GPR89B: variants seen among roughly 807,000 people sequenced by gnomAD.
The protein encoded by GPR89B is golgi pH regulator B.
Under a neutral mutation model 52.4 loss-of-function variants are expected in GPR89B, and 25 were observed. That is an observed-to-expected ratio of 0.48 (90% CI 0.35 to 0.67). GPR89B has a LOEUF of 0.67. Ranked by LOEUF, GPR89B falls within the 30% of genes least tolerant of loss-of-function variation. The pLI is 0.01. For missense variants in GPR89B, 146 were observed against 450.2 expected (o/e 0.32, Z 6.11); for synonymous variants, 52 against 151.2 (o/e 0.34, Z 4.81).
intron 5 of GPR89B, among the ~76,000 whole-genome samples, chr1:147,952,299 G>T (rs1471685501): frequency 6.6e-6 from 1 of 151,928 alleles, no homozygotes; most frequent in East Asian, 1.9e-4. Context: ...CTGATCCAGA[G>T]TTGGGAATTT....
At chr1:147,935,932 G>A (rs1240178196) in intron 1 of GPR89B, among the ~76,000 whole-genome samples, 7 of 151,988 alleles carry the variant, frequency 4.6e-5, no homozygotes, top group African/African-American at 1.2e-4. Flanking sequence ...TTGTAGAGAC[G>A]GGTTTTCACC....
the GPR89B span, among the ~76,000 whole-genome samples, chr1:148,002,538 T>C: frequency 6.6e-6 from 1 of 152,176 alleles, no homozygotes; most frequent in Non-Finnish European, 1.5e-5. Flanking sequence ...CCTTACATAA[T>C]TACTGTATCT....
intron 5 of GPR89B, among the ~76,000 whole-genome samples, chr1:147,951,099 G>A (rs1204501556): frequency 5.9e-5 from 9 of 151,900 alleles, no homozygotes; most frequent in Admixed American, 1.3e-4. Context: ...CCATAGTGTC[G>A]TAGTGGTTAA....
the GPR89B span, among the ~76,000 whole-genome samples, chr1:148,006,869 A>C: frequency 3.3e-5 from 5 of 151,582 alleles, no homozygotes; most frequent in African/African-American, 1.2e-4. Flanking sequence ...GGCGCCTGCC[A>C]CCGCGCCTGG....
At chr1:147,978,067 G>A (rs1368614756) in intron 10 of GPR89B, among the ~76,000 whole-genome samples, 1 of 150,670 alleles carries the variant, frequency 6.6e-6, no homozygotes, top group South Asian at 2.1e-4. Flanking sequence ...TGGAGAAGAG[G>A]CACTCTGGCT....
the GPR89B span, among the ~76,000 whole-genome samples, chr1:148,000,583 G>A: frequency 1.0e-4 from 15 of 149,490 alleles, no homozygotes; most frequent in African/African-American, 3.7e-4. Context: ...AATCTATGAG[G>A]AGGGCCTAAG....
At chr1:147,978,647 A>G (rs1274297633) in intron 10 of GPR89B, among the ~76,000 whole-genome samples, 1 of 151,474 alleles carries the variant, frequency 6.6e-6, no homozygotes, top group East Asian at 2.0e-4. Context: ...CAGGGAGATC[A>G]GTTCTGCTCA....
intron 11 of GPR89B, 123 bp downstream of exon 11, chr1:147,986,417 GTA>G (rs1658674045): frequency 1.2e-6 from 1 of 801,390 alleles, no homozygotes; most frequent in Non-Finnish European, 2.0e-6. Flanking sequence ...TTCCCACTCT[GTA>G]TATTTTGACG....
intron 10 of GPR89B, among the ~76,000 whole-genome samples, chr1:147,983,814 A>G (rs1658448396): frequency 6.6e-6 from 1 of 152,056 alleles, no homozygotes; most frequent in Non-Finnish European, 1.5e-5. Context: ...TGACCCAGCC[A>G]TCCCATTACT....
chr1:147,949,461 TC>T (rs1655338060), intron 5 of GPR89B, among the ~76,000 whole-genome samples: 1 of 45,818 alleles, frequency 2.2e-5, no homozygotes, highest in Non-Finnish European at 3.9e-5. Context: ...ACCCCCCACC[TC>T]CCTCCCGGAC....
At chr1:147,956,981 T>C (rs1277323431) in intron 7 of GPR89B, among the ~76,000 whole-genome samples, 131 of 151,998 alleles carry the variant, frequency 8.6e-4, no homozygotes, top group African/African-American at 3.1e-3. Flanking sequence ...TCAAGTGATC[T>C]GCCCACCTTG....
At chr1:148,009,448 G>C in the GPR89B span, 4 of 1,600,792 alleles carry the variant, frequency 2.5e-6, no homozygotes, top group Non-Finnish European at 3.4e-6. Flanking sequence ...ACAGGGGAAA[G>C]TATATTATCA....
At chr1:147,932,925 T>C (rs1653770658) in intron 1 of GPR89B, among the ~76,000 whole-genome samples, 1 of 152,130 alleles carries the variant, frequency 6.6e-6, no homozygotes, top group African/African-American at 2.4e-5. Flanking sequence ...ATTCTGACAC[T>C]TACTATAAAT....
At chr1:147,959,732 C>T (rs1250102556) in intron 7 of GPR89B, among the ~76,000 whole-genome samples, 3 of 151,940 alleles carry the variant, frequency 2.0e-5, no homozygotes, top group African/African-American at 7.3e-5. Flanking sequence ...CGGTAAACAC[C>T]AAAGAGTCTG....
At chr1:148,012,279 G>A in the GPR89B span, 2 of 151,536 alleles carry the variant, frequency 1.3e-5, no homozygotes, top group African/African-American at 4.8e-5. Context: ...AGGATTGGGG[G>A]TGGGGAGGGA....
At chr1:147,944,738 A>G (rs1165741508) in intron 5 of GPR89B, among the ~76,000 whole-genome samples, 1 of 126,244 alleles carries the variant, frequency 7.9e-6, no homozygotes, top group Non-Finnish European at 1.7e-5. Context: ...TTAAGCTAAA[A>G]ACAATGAACA....
At chr1:147,968,667 C>G (rs1657205552) in intron 8 of GPR89B, 2 of 637,138 alleles carry the variant, frequency 3.1e-6, no homozygotes, top group Admixed American at 5.7e-5. Flanking sequence ...TGTTTGGTGG[C>G]GATGCTCTTG....
At chr1:147,966,071 TC>T (rs1233955664) in intron 7 of GPR89B, among the ~76,000 whole-genome samples, 170 of 151,958 alleles carry the variant, frequency 1.1e-3, no homozygotes, top group African/African-American at 3.9e-3. Flanking sequence ...GGTCTTGAAC[TC>T]CCAACCTCAG....
At chr1:147,970,541 ATCTC>A (rs1230663138) in intron 10 of GPR89B, among the ~76,000 whole-genome samples, 189 of 94,578 alleles carry the variant, frequency 2.0e-3, no homozygotes, top group African/African-American at 6.2e-3. Flanking sequence ...CTCTATCTCT[ATCTC>A]TCTCTCTCTA....
Sources: allele counts gnomAD v4.1 joint callset (sites outside exome capture counted in the v4.1 genomes callset), GRCh38; gene constraint gnomAD v4.1.1; transcripts MANE v1.5; gene names NCBI Gene and HGNC (gene_info 2026-07-23, HGNC 2026-07-21).